The following SUGCT variants were observed in gnomAD, a reference collection of about 807,000 sequenced individuals.
SUGCT encodes the protein succinyl-CoA:glutarate CoA-transferase.
Under a neutral mutation model 55.0 loss-of-function variants are expected in SUGCT, and 41 were observed. The ratio of observed to expected loss-of-function variants is 0.74; its 90% CI spans 0.58 to 0.97. SUGCT has a LOEUF of 0.97. SUGCT is among the 50% of genes least tolerant of loss of function. The pLI is 0.00. For missense variants in SUGCT, 568 were observed against 547.8 expected (o/e 1.04, Z -0.37); for synonymous variants, 187 against 200.4 (o/e 0.93, Z 0.56).
intron 9 of SUGCT, among the ~76,000 whole-genome samples, chr7:40,400,421 G>C (rs1026432784): frequency 6.6e-6 from 1 of 152,160 alleles, no homozygotes; most frequent in Admixed American, 6.6e-5. Flanking sequence ...GTCACATAGC[G>C]AGAACATAGA....
chr7:40,921,430 T>C, the SUGCT span, among the ~76,000 whole-genome samples: 1 of 152,128 alleles, frequency 6.6e-6, no homozygotes, highest in Non-Finnish European at 1.5e-5. Flanking sequence ...AAAACCTCCA[T>C]GGAGGTAGAG....
chr7:40,522,163 C>T (rs1793566097), intron 12 of SUGCT, among the ~76,000 whole-genome samples: 1 of 152,066 alleles, frequency 6.6e-6, no homozygotes, highest in African/African-American at 2.4e-5. Flanking sequence ...ATAGTCATCA[C>T]CCTAGTAACA....
At chr7:40,282,422 T>C (rs1250735484) in intron 8 of SUGCT, among the ~76,000 whole-genome samples, 1 of 151,976 alleles carries the variant, frequency 6.6e-6, no homozygotes, top group African/African-American at 2.4e-5. Flanking sequence ...GAGCTGAGGT[T>C]GCGCCAGTGC....
the SUGCT span, among the ~76,000 whole-genome samples, chr7:40,937,635 A>G: frequency 1.3e-5 from 2 of 152,114 alleles, no homozygotes; most frequent in African/African-American, 2.4e-5. Context: ...CCCTTGTATC[A>G]TTATAAAATT....
At chr7:40,336,047 C>A (rs984138224) in intron 9 of SUGCT, among the ~76,000 whole-genome samples, 1 of 152,010 alleles carries the variant, frequency 6.6e-6, no homozygotes, top group Non-Finnish European at 1.5e-5. Context: ...TGCTGGATTA[C>A]GTTTATTGAT....
At chr7:40,864,970 C>T (rs962267278), downstream of SUGCT, among the ~76,000 whole-genome samples, 10 of 152,058 alleles carry the variant, frequency 6.6e-5, no homozygotes, top group Non-Finnish European at 4.4e-5. Flanking sequence ...AGGAAACTCT[C>T]TCCTTTGCAA....
At chr7:40,938,247 G>A in the SUGCT span, among the ~76,000 whole-genome samples, 1 of 152,094 alleles carries the variant, frequency 6.6e-6, no homozygotes, top group Non-Finnish European at 1.5e-5. Context: ...TAGTTGCTAG[G>A]ATACAAGAAA....
the SUGCT span, among the ~76,000 whole-genome samples, chr7:40,915,550 C>T: frequency 2.0e-5 from 3 of 152,042 alleles, no homozygotes; most frequent in South Asian, 2.1e-4. Context: ...TTGGCAATGC[C>T]GTGTTAAGAT....
intron 6 of SUGCT, among the ~76,000 whole-genome samples, chr7:40,214,568 G>A (rs1257379776): frequency 6.6e-6 from 1 of 152,210 alleles, no homozygotes; most frequent in East Asian, 1.9e-4. Flanking sequence ...AGTTGTAGTT[G>A]TGGTGATGTT....
At chr7:40,907,166 G>T in the SUGCT span, among the ~76,000 whole-genome samples, 1 of 150,388 alleles carries the variant, frequency 6.6e-6, no homozygotes, top group East Asian at 2.0e-4. Context: ...AGAGAGAGAA[G>T]ATTGAGTGGG....
At chr7:40,602,342 G>A (rs151322283) in intron 12 of SUGCT, among the ~76,000 whole-genome samples, 23 of 152,244 alleles carry the variant, frequency 1.5e-4, no homozygotes, top group East Asian at 7.7e-4. Context: ...GGGATCTGTC[G>A]GGGGGAAGAA....
chr7:40,631,291 T>C lies in SUGCT; in HGVS notation c.1090-118143T>C, dbSNP rs185492465. ...CTTTCAGCATAGACTCCTGATTTGA[T>C]TTATGCTTAATAACACCCTTTCTTC... On this transcript the variant is annotated intron_variant, in intron 12 of 13. Coordinates refer to ENST00000335693, the MANE Select transcript of SUGCT (RefSeq NM_001193313.2). Among the ~76,000 whole-genome samples the C allele has an allele frequency of 2.6e-3, 403 of 152,312 alleles. 1 individual carries two copies. The highest frequency in any genetic ancestry group is 9.1e-3 in the African/African-American group (377 of 41,566).
At chr7:40,387,998 A>G (rs899230475) in intron 9 of SUGCT, 6 of 152,286 alleles carry the variant, frequency 3.9e-5, no homozygotes, top group South Asian at 2.1e-4. Flanking sequence ...CCTCTCCCCA[A>G]ATGTGGGGCA....
intron 7 of SUGCT, among the ~76,000 whole-genome samples, chr7:40,248,448 A>C (rs1377021800): frequency 6.6e-6 from 1 of 152,184 alleles, no homozygotes; most frequent in Non-Finnish European, 1.5e-5. Flanking sequence ...GATGTACCAT[A>C]GTTTATTTAA....
At chr7:40,850,859 G>C (rs2128799232) in intron 13 of SUGCT, among the ~76,000 whole-genome samples, 1 of 152,310 alleles carries the variant, frequency 6.6e-6, no homozygotes, top group South Asian at 2.1e-4. Context: ...GTCTAGGTCT[G>C]AAATTAGCAG....
At chr7:40,332,031 C>T (rs933385703) in intron 9 of SUGCT, among the ~76,000 whole-genome samples, 2 of 152,136 alleles carry the variant, frequency 1.3e-5, no homozygotes, top group Admixed American at 1.3e-4. Context: ...TGAATGTTTG[C>T]CACATAAATT....
intron 7 of SUGCT, among the ~76,000 whole-genome samples, chr7:40,239,938 G>C (rs567702930): frequency 1.3e-5 from 2 of 152,278 alleles, no homozygotes; most frequent in Non-Finnish European, 2.9e-5. Context: ...CTACTGTACG[G>C]TGGGAATGGT....
intron 8 of SUGCT, among the ~76,000 whole-genome samples, chr7:40,300,827 C>T (rs188438257): frequency 1.3e-5 from 2 of 152,244 alleles, no homozygotes; most frequent in African/African-American, 4.8e-5. Context: ...TGATTTTATT[C>T]TCTGGTGAGA....
chr7:40,901,377 C>T, the SUGCT span, among the ~76,000 whole-genome samples: 1 of 152,170 alleles, frequency 6.6e-6, no homozygotes, highest in South Asian at 2.1e-4. Context: ...TTTGTTTCAA[C>T]TTATGGGGAA....
Sources: gnomAD v4.1 joint callset for allele counts (sites outside exome capture counted in the v4.1 genomes callset) on GRCh38, gnomAD v4.1.1 for gene constraint, MANE v1.5 for transcripts, NCBI Gene and HGNC (gene_info 2026-07-23, HGNC 2026-07-21) for gene names.